The following MAPK14 variants were observed in gnomAD, a reference collection of about 807,000 sequenced individuals.
MAPK14 encodes the protein mitogen-activated protein kinase 14.
A neutral mutation model predicts 49.6 loss-of-function variants in MAPK14; 16 were observed. That is an observed-to-expected ratio of 0.32 (90% confidence interval 0.22 to 0.49). MAPK14 has a LOEUF of 0.49. Among genes scored for constraint, MAPK14 ranks in the 20% least tolerant of loss-of-function variants. The probability of loss-of-function intolerance (pLI) is 0.99; values close to 1 mark genes in which losing one functional copy is unlikely to be tolerated. For synonymous variants in MAPK14, 142 were observed against 158.0 expected (o/e 0.90, Z 0.76); for missense variants, 200 against 441.2 (o/e 0.45, Z 4.90).
chr6:36,030,297 A>G lies in MAPK14; in HGVS notation c.116+2024A>G, dbSNP rs536676868. Among the ~76,000 whole-genome samples the G allele has an allele frequency of 2.6e-5, 4 of 152,340 alleles. No homozygotes were observed. In the South Asian group the frequency reaches 8.3e-4, roughly 32 times the overall value. On this transcript the variant is annotated intron_variant, in intron 1 of 11. Transcript: ENST00000229794. ...TTAGTGGTATACTTTTCTGTGGTAT[A>G]GAAGCCAGCAGTATCTGACACTTAA...
chr6:36,056,885 A>G (rs1763610511), intron 2 of MAPK14, among the ~76,000 whole-genome samples: 1 of 152,248 alleles, frequency 6.6e-6, no homozygotes, highest in African/African-American at 2.4e-5. Context: ...AGGGAGAGTG[A>G]TTAAAAGACC....
chr6:36,116,793 T>C, the MAPK14 span, among the ~76,000 whole-genome samples: 1 of 152,116 alleles, frequency 6.6e-6, no homozygotes, highest in Non-Finnish European at 1.5e-5. Flanking sequence ...CTACTTTCCT[T>C]ACCTCCCTAC....
intron 10 of MAPK14, 162 bp downstream of exon 10, chr6:36,102,811 T>C: frequency 7.7e-7 from 1 of 1,300,112 alleles, no homozygotes. Context: ...TTGTCAGATT[T>C]TTTTTTAATC....
At chr6:36,057,210 A>T in intron 2 of MAPK14, among the ~76,000 whole-genome samples, 1 of 152,350 alleles carries the variant, frequency 6.6e-6, no homozygotes, top group East Asian at 1.9e-4. Context: ...GAGATAGGAA[A>T]TTGGTTAAGT....
At chr6:36,071,192 G>T (rs868477180) in intron 3 of MAPK14, among the ~76,000 whole-genome samples, 1 of 151,990 alleles carries the variant, frequency 6.6e-6, no homozygotes, top group East Asian at 1.9e-4. Context: ...AATTAGCCAG[G>T]CATGGTGGCG....
intron 1 of MAPK14, among the ~76,000 whole-genome samples, chr6:36,032,402 A>C (rs1762579164): frequency 1.3e-5 from 2 of 152,334 alleles, no homozygotes; most frequent in African/African-American, 4.8e-5. Flanking sequence ...GGGGAAATGA[A>C]GCAAAATTGT....
chr6:36,028,242 C>G lies in MAPK14; in HGVS notation c.85C>G (p.Pro29Ala). ...EVPERYQNLSPVGSGAYGSVC... is the reference protein window; with the variant it reads ...EVPERYQNLSAVGSGAYGSVC... ...GCCCGAGCGTTACCAGAACCTGTCT[C>G]CAGTGGGCTCTGGCGCCTATGGCTC... Residue 29 changes from proline (P) to alanine (A), a missense_variant, in exon 1 of 12, where the codon CCA becomes GCA. Transcript: ENST00000229794. The surrounding 1 kb of genome is among the most constrained non-coding windows in gnomAD (Gnocchi z 5.1). The G allele has an allele frequency of 6.2e-7, 1 of 1,613,664 alleles. No individual in the cohort carries two copies. Among genetic ancestry groups the G allele is most frequent in the Non-Finnish European group, 8.5e-7 (1 of 1,179,672 alleles).
intron 9 of MAPK14, among the ~76,000 whole-genome samples, chr6:36,098,297 G>A (rs1765516667): frequency 6.6e-6 from 1 of 152,166 alleles, no homozygotes; most frequent in Admixed American, 6.5e-5. Context: ...GGGTTGTGAT[G>A]GAGGCCAAGG....
intron 9 of MAPK14, among the ~76,000 whole-genome samples, chr6:36,098,843 G>A (rs1361352628): frequency 6.6e-6 from 1 of 152,116 alleles, no homozygotes; most frequent in Non-Finnish European, 1.5e-5. Flanking sequence ...ATTTGTTAAA[G>A]GTAACTCTAA....
chr6:36,042,476 C>CTTTTTTTTTTTTTTTTTTTT, intron 1 of MAPK14, among the ~76,000 whole-genome samples: 1 of 102,686 alleles, frequency 9.7e-6, no homozygotes, highest in Non-Finnish European at 2.0e-5. Flanking sequence ...GAAGGAATAT[C>CTTTTTTTTTTTTTTTTTTTT]TTTTTTTTTT....
chr6:36,112,480 G>C (rs1325536446), downstream of MAPK14, among the ~76,000 whole-genome samples: 2 of 152,192 alleles, frequency 1.3e-5, no homozygotes, highest in Non-Finnish European at 2.9e-5. Flanking sequence ...TAATTTTAAA[G>C]ATATATTAAT....
At chr6:36,050,624 G>A (rs1281123819) in intron 1 of MAPK14, among the ~76,000 whole-genome samples, 1 of 152,176 alleles carries the variant, frequency 6.6e-6, no homozygotes, top group Admixed American at 6.5e-5. Context: ...AATGAATGAT[G>A]GAAAATTTCA....
intron 3 of MAPK14, among the ~76,000 whole-genome samples, chr6:36,063,425 A>T (rs1763908322): frequency 6.6e-6 from 1 of 152,090 alleles, no homozygotes; most frequent in Non-Finnish European, 1.5e-5. Context: ...CCTTCTCTAC[A>T]AAAAAATTTA....
intron 3 of MAPK14, 38 bp from the exon 4 acceptor site, chr6:36,072,835 G>A: frequency 9.2e-7 from 1 of 1,088,784 alleles, no homozygotes; most frequent in Non-Finnish European, 1.4e-6. Flanking sequence ...CTTTCTTAGG[G>A]GTTCTAGATT....
intron 3 of MAPK14, among the ~76,000 whole-genome samples, chr6:36,064,541 C>T (rs936763652): frequency 6.6e-6 from 1 of 152,114 alleles, no homozygotes; most frequent in Non-Finnish European, 1.5e-5. Context: ...AAGGGAAGAC[C>T]TACAACAAGG....
At position 36,109,334 on chromosome 6, in the gene MAPK14, T is replaced by G. The variant is rs540998415; in HGVS notation, c.*887T>G. The G allele has an allele frequency of 6.5e-6, 1 of 152,784 alleles. No individual in the cohort carries two copies. Among genetic ancestry groups the G allele is most frequent in the Non-Finnish European group, 1.5e-5 (1 of 68,072 alleles). 9.5% of individuals were successfully genotyped at this position (152,784 alleles called of 1,614,324 possible). A position where few individuals can be genotyped will look rare whatever the true frequency, so the allele number is the denominator to read the frequency against. ...AGTCAGAAGCAGGTTCTTGATGTCATGTACTTCCTGTGTACTCTTTATTTC... is the reference window on the plus strand; with the variant it reads ...AGTCAGAAGCAGGTTCTTGATGTCAGGTACTTCCTGTGTACTCTTTATTTC... On this transcript the variant is annotated 3_prime_UTR_variant, in exon 12 of 12. Coordinates refer to ENST00000229794, the MANE Select transcript of MAPK14 (RefSeq NM_139012.3).
intron 2 of MAPK14, among the ~76,000 whole-genome samples, chr6:36,055,034 C>T (rs1375018788): frequency 1.3e-5 from 2 of 152,190 alleles, no homozygotes; most frequent in South Asian, 2.1e-4. Context: ...AATAGATAAA[C>T]ATTTATTAGG....
intron 3 of MAPK14, among the ~76,000 whole-genome samples, chr6:36,067,482 C>CA (rs144956706): frequency 0.14 from 21,779 of 152,096 alleles, 1,933 homozygotes; most frequent in African/African-American, 0.26. Context: ...TTTGTGCTGT[C>CA]ACTGTTTATA....
rs1765963098 is a variant in MAPK14 at position 36,111,145 on chromosome 6, A to AG, written c.*2698_*2699insG. 1 of 151,758 alleles carries AG rather than the reference A, an allele frequency of 6.6e-6. No homozygotes were observed. The highest frequency in any genetic ancestry group is 6.6e-5 in the Admixed American group (1 of 15,230). The allele number at this position is 151,758 out of a possible 1,614,324, so 9.4% of individuals were successfully genotyped here. ...TACATTTTTAAATGGTTGGGAAAGAAAAAAAAAGAAGTAGTAGATTTTGTA... is the reference window on the plus strand; with the variant it reads ...TACATTTTTAAATGGTTGGGAAAGAAGAAAAAAAGAAGTAGTAGATTTTGTA... On this transcript the variant is annotated 3_prime_UTR_variant, in exon 12 of 12. Coordinates refer to ENST00000229794, the MANE Select transcript of MAPK14 (RefSeq NM_139012.3).
Sources: gnomAD v4.1 joint callset for allele counts (sites outside exome capture counted in the v4.1 genomes callset) on GRCh38, gnomAD v4.1.1 for gene constraint, Gnocchi (gnomAD v3.1) non-coding constraint, MANE v1.5 for transcripts, NCBI Gene and HGNC (gene_info 2026-07-23, HGNC 2026-07-21) for gene names.